CSMD1: variants seen among roughly 807,000 people sequenced by gnomAD.
The protein encoded by CSMD1 is CUB and sushi domain-containing protein 1.
Under a neutral mutation model 417.5 loss-of-function variants are expected in CSMD1, and 213 were observed. The observed-to-expected ratio is 0.51, with a 90% CI of 0.46 to 0.57. The LOEUF (loss-of-function observed/expected upper bound fraction) is 0.57, where lower values mean the gene tolerates loss of function less well. Among genes scored for constraint, CSMD1 ranks in the 20% least tolerant of loss-of-function variants. The pLI is 0.00. For missense variants in CSMD1, 6,923 were observed against 4,529.7 expected (o/e 1.53, Z -15.17); for synonymous variants, 2,862 against 1,736.8 (o/e 1.65, Z -16.11).
intron 2 of CSMD1, among the ~76,000 whole-genome samples, chr8:4,431,086 G>A (rs923227117): frequency 6.6e-6 from 1 of 152,056 alleles, no homozygotes; most frequent in Non-Finnish European, 1.5e-5. Context: ...GATCATTAGT[G>A]TTAATATATT....
At chr8:3,753,845 C>T (rs1797497028) in intron 6 of CSMD1, 85 bp downstream of exon 6, 2 of 864,612 alleles carry the variant, frequency 2.3e-6, no homozygotes, top group Non-Finnish European at 3.6e-6. Flanking sequence ...GCTATTTATC[C>T]AACTCCTAAA....
At chr8:4,597,343 G>A (rs749029138) in intron 2 of CSMD1, among the ~76,000 whole-genome samples, 2 of 152,062 alleles carry the variant, frequency 1.3e-5, no homozygotes, top group African/African-American at 4.8e-5. Context: ...CAGGAGAGAT[G>A]GCACTCTCAT....
chr8:3,366,934 C>A (rs1809611476), intron 20 of CSMD1, 98 bp downstream of exon 20: 2 of 927,886 alleles, frequency 2.2e-6, no homozygotes, highest in Non-Finnish European at 3.4e-6. Context: ...CACACGGATG[C>A]ACACATTACA....
intron 1 of CSMD1, among the ~76,000 whole-genome samples, chr8:4,955,968 G>T (rs975709793): frequency 4.6e-5 from 7 of 152,190 alleles, no homozygotes; most frequent in African/African-American, 1.4e-4. Flanking sequence ...ACGCTGTGCT[G>T]CGTTCTGTGA....
At chr8:3,951,881 G>C (rs1585022531) in intron 5 of CSMD1, among the ~76,000 whole-genome samples, 1 of 151,710 alleles carries the variant, frequency 6.6e-6, no homozygotes, top group East Asian at 1.9e-4. Context: ...AACTACATAA[G>C]CTATCCTGGA....
chr8:3,893,731 A>G (rs965839690), intron 5 of CSMD1, among the ~76,000 whole-genome samples: 9 of 152,192 alleles, frequency 5.9e-5, no homozygotes, highest in African/African-American at 2.2e-4. Flanking sequence ...CACAATAAGC[A>G]TTAACATTCG....
intron 16 of CSMD1, among the ~76,000 whole-genome samples, chr8:3,398,131 C>T (rs1451129405): frequency 6.6e-6 from 1 of 152,120 alleles, no homozygotes; most frequent in East Asian, 1.9e-4. Flanking sequence ...GGCTAATAGA[C>T]TGGCCAGAGA....
At chr8:3,296,262 G>T (rs539912639) in intron 25 of CSMD1, among the ~76,000 whole-genome samples, 178 of 151,494 alleles carry the variant, frequency 1.2e-3, no homozygotes, top group Non-Finnish European at 1.9e-3. Flanking sequence ...GTCGCATCCT[G>T]TGAGACGTAA....
intron 5 of CSMD1, among the ~76,000 whole-genome samples, chr8:3,914,450 C>T (rs17067962): frequency 0.14 from 20,743 of 152,046 alleles, 1,610 homozygotes; most frequent in African/African-American, 0.21. Context: ...CTATTTCTAA[C>T]GCTAATTATT....
intron 4 of CSMD1, among the ~76,000 whole-genome samples, chr8:4,004,090 A>T (rs1815914880): frequency 6.6e-6 from 1 of 152,320 alleles, no homozygotes; most frequent in Admixed American, 6.5e-5. Flanking sequence ...AAAGCAGAAC[A>T]AATTTATCTA....
intron 3 of CSMD1, among the ~76,000 whole-genome samples, chr8:4,353,147 C>G (rs535759269): frequency 2.0e-5 from 3 of 152,218 alleles, no homozygotes; most frequent in South Asian, 4.2e-4. Flanking sequence ...GGCTGTGTCC[C>G]CACACAACTG....
chr8:4,213,336 G>A (rs550142974), intron 3 of CSMD1, among the ~76,000 whole-genome samples: 252 of 152,160 alleles, frequency 1.7e-3, no homozygotes, highest in Non-Finnish European at 2.4e-3. Context: ...GCAATTCAGA[G>A]AGTTTCTCAA....
At position 3,704,527 on chromosome 8, in the gene CSMD1, C is replaced by G. The variant is rs1278078199; in HGVS notation, c.1009+3887G>C. ...TTACAGATTAGAAAAGTGACTCAAA[C>G]AGCTAGAGAGATAAGAGGAGTTTCT... is the stretch of plus-strand genomic sequence containing the variant. On this transcript the variant is annotated intron_variant, in intron 7 of 69. Coordinates refer to ENST00000635120, the MANE Select transcript of CSMD1 (RefSeq NM_033225.6). Among the ~76,000 whole-genome samples, 16 of 152,190 alleles carry G rather than the reference C, an allele frequency of 1.1e-4. 1 individual carries two copies. The highest frequency in any genetic ancestry group is 1.0e-3 in the Admixed American group (16 of 15,280).
At chr8:2,979,752 G>C (rs577384589) in intron 54 of CSMD1, among the ~76,000 whole-genome samples, 12 of 152,350 alleles carry the variant, frequency 7.9e-5, no homozygotes, top group African/African-American at 2.9e-4. Flanking sequence ...TTTTAGTGCA[G>C]TAGAATAATG....
At chr8:3,430,856 T>C (rs566084239) in intron 12 of CSMD1, among the ~76,000 whole-genome samples, 2 of 152,222 alleles carry the variant, frequency 1.3e-5, no homozygotes, top group East Asian at 1.9e-4. Flanking sequence ...ATATATAAGA[T>C]AGGTTCTATT....
intron 30 of CSMD1, among the ~76,000 whole-genome samples, chr8:3,212,852 A>T: frequency 7.5e-6 from 1 of 133,204 alleles, no homozygotes. Context: ...TTTTTGAGAG[A>T]GAGTTTCACT....
At chr8:4,891,483 G>C (rs1203094732) in intron 1 of CSMD1, among the ~76,000 whole-genome samples, 3 of 152,058 alleles carry the variant, frequency 2.0e-5, no homozygotes, top group African/African-American at 7.3e-5. Context: ...AATTTGAAAG[G>C]TCTGTAATTA....
At chr8:4,420,526 T>C (rs1028457096) in intron 2 of CSMD1, among the ~76,000 whole-genome samples, 1 of 152,088 alleles carries the variant, frequency 6.6e-6, no homozygotes, top group Admixed American at 6.6e-5. Context: ...TAATTCACTA[T>C]TTTTAATTTT....
At chr8:4,607,860 C>G (rs1585323101) in intron 2 of CSMD1, among the ~76,000 whole-genome samples, 3 of 152,188 alleles carry the variant, frequency 2.0e-5, no homozygotes, top group South Asian at 2.1e-4. Flanking sequence ...ATCTTCCTCA[C>G]TATTTTCTGA....
Sources: allele counts gnomAD v4.1 joint callset (sites outside exome capture counted in the v4.1 genomes callset), GRCh38; gene constraint gnomAD v4.1.1; transcripts MANE v1.5; gene names NCBI Gene and HGNC (gene_info 2026-07-23, HGNC 2026-07-21).